The following FMN1 variants were observed in gnomAD, a reference collection of about 807,000 sequenced individuals.
FMN1 encodes the protein formin 1, also known as formin-1.
FMN1 carries 110 observed loss-of-function variants against 132.4 expected under a neutral mutation model. The observed-to-expected ratio is 0.83, with a 90% CI of 0.71 to 0.97. The LOEUF (loss-of-function observed/expected upper bound fraction) is 0.97. FMN1 is among the 50% of genes least tolerant of loss of function. FMN1 has a pLI of 0.00. For missense variants in FMN1, 1,792 were observed against 1,705.3 expected, an observed-to-expected ratio of 1.05 and a Z score of -0.90; for synonymous variants, 722 against 651.7, an observed-to-expected ratio of 1.11 and a Z score of -1.64.
At chr15:33,080,746 G>A (rs554366277) in intron 5 of FMN1, among the ~76,000 whole-genome samples, 4 of 152,186 alleles carry the variant, frequency 2.6e-5, no homozygotes, top group Non-Finnish European at 5.9e-5. Flanking sequence ...AATTAGCCGG[G>A]CATGGTGGCG....
rs1328023573 is a variant in FMN1 at position 33,036,123 on chromosome 15, CAG to C, written c.2162-28050_2162-28049del. 6.6e-5 allele frequency among the ~76,000 whole-genome samples: 10 copies of C among 152,308 alleles called. No individual in the cohort carries two copies. In the East Asian group the frequency reaches 1.9e-3, roughly 29 times the overall value. On this transcript the variant is annotated intron_variant, in intron 6 of 20. Coordinates refer to ENST00000616417, the MANE Select transcript of FMN1 (RefSeq NM_001277313.2). ...AAATCTCTTTTCTTTATGAATTACTCAGAGTCAGGTATCCTGTTATAAGCGAC... is the reference window on the plus strand; with the variant it reads ...AAATCTCTTTTCTTTATGAATTACTCAGTCAGGTATCCTGTTATAAGCGAC...
At chr15:32,857,956 A>G (rs1026944776) in intron 16 of FMN1, among the ~76,000 whole-genome samples, 7 of 152,226 alleles carry the variant, frequency 4.6e-5, no homozygotes, top group Non-Finnish European at 5.9e-5. Flanking sequence ...TCGTTTCTAC[A>G]AAGCTAGAGC....
chr15:32,917,492 T>C (rs2060711983), intron 10 of FMN1, among the ~76,000 whole-genome samples: 1 of 152,228 alleles, frequency 6.6e-6, no homozygotes, highest in East Asian at 1.9e-4. Context: ...TGGGGATTAA[T>C]ACTTAATAAC....
rs111382862 is a variant in FMN1 at position 33,057,314 on chromosome 15, T to C, written c.2161+7643A>G. Among the ~76,000 whole-genome samples the C allele has an allele frequency of 6.6e-3, 998 of 152,344 alleles. 10 individuals are homozygous for C. Among genetic ancestry groups the C allele is most frequent in the African/African-American group, 0.022 (925 of 41,574 alleles). ...GCTAAAGATGTACTATTTATTGATC[T>C]ACATAGTGGTTACCTGGGTGTGTTC... On this transcript the variant is annotated intron_variant, in intron 6 of 20. Transcript: ENST00000616417.
intron 9 of FMN1, among the ~76,000 whole-genome samples, chr15:32,957,275 T>C (rs144848849): frequency 1.6e-3 from 237 of 147,460 alleles, no homozygotes; most frequent in African/African-American, 5.2e-3. Context: ...TAAAACACAA[T>C]TGGAAAGTTT....
At chr15:33,124,197 T>G (rs2140188268) in intron 4 of FMN1, among the ~76,000 whole-genome samples, 1 of 152,296 alleles carries the variant, frequency 6.6e-6, no homozygotes, top group South Asian at 2.1e-4. Context: ...AGACGTGGCT[T>G]TTCAAAAGAA....
At chr15:33,079,233 T>C (rs943408815) in intron 5 of FMN1, among the ~76,000 whole-genome samples, 2 of 152,206 alleles carry the variant, frequency 1.3e-5, no homozygotes, top group Non-Finnish European at 2.9e-5. Context: ...TAAGAATGTG[T>C]GTTATCAAGA....
At chr15:32,783,669 G>GT (rs200833480) in intron 19 of FMN1, among the ~76,000 whole-genome samples, 1,726 of 148,282 alleles carry the variant, frequency 0.012, 34 homozygotes, top group African/African-American at 0.04. Flanking sequence ...CGTGAACCCG[G>GT]GGTCGGGGGA....
At chr15:32,968,519 C>T (rs945870724) in intron 8 of FMN1, among the ~76,000 whole-genome samples, 195 bp downstream of exon 8, 3 of 152,112 alleles carry the variant, frequency 2.0e-5, no homozygotes. Flanking sequence ...CCAGCATCTT[C>T]AGAGAATACA....
At chr15:33,071,049 C>A (rs2037978733) in intron 5 of FMN1, among the ~76,000 whole-genome samples, 1 of 152,202 alleles carries the variant, frequency 6.6e-6, no homozygotes, top group African/African-American at 2.4e-5. Flanking sequence ...GAAGACCACA[C>A]ACAGCGAGGT....
chr15:33,136,825 C>G (rs1006944207), intron 4 of FMN1, among the ~76,000 whole-genome samples: 1 of 152,084 alleles, frequency 6.6e-6, no homozygotes, highest in African/African-American at 2.4e-5. Flanking sequence ...TGGTGGCTCA[C>G]GCCTGTAATC....
rs1307750312 is a variant in FMN1 at position 32,798,682 on chromosome 15, C to A, written c.4130+122G>T. 24 of 929,616 alleles carry A rather than the reference C, an allele frequency of 2.6e-5. No individual in the cohort carries two copies. The South Asian group carries it at 4.6e-4, about 18-fold the overall frequency. 57.6% of individuals were successfully genotyped at this position (929,616 alleles called of 1,614,324 possible). A position where few individuals can be genotyped will look rare whatever the true frequency, so the allele number is the denominator to read the frequency against. On this transcript the variant is annotated intron_variant, in intron 19 of 20. Transcript: ENST00000616417. ...ATCCCTGAGGCAAAAAGTCCTTCCC[C>A]TATGACCACTTCATCCGAAAGAAAA...
intron 4 of FMN1, among the ~76,000 whole-genome samples, chr15:33,138,888 T>G (rs7180763): frequency 0.39 from 59,525 of 151,748 alleles, 12,462 homozygotes; most frequent in South Asian, 0.49. Flanking sequence ...AACCTCAAAA[T>G]CTCCTTGTAT....
At chr15:33,018,067 G>GGAAAAAAAAAAAAAAAAAAAAAAAA (rs2035169403) in intron 6 of FMN1, among the ~76,000 whole-genome samples, 1 of 142,934 alleles carries the variant, frequency 7.0e-6, no homozygotes. Flanking sequence ...TACCTCTCAA[G>GGAAAAAAAAAAAAAAAAAAAAAAAA]AAAAAAAAAA....
intron 5 of FMN1, among the ~76,000 whole-genome samples, chr15:33,070,301 G>A (rs905864288): frequency 4.0e-5 from 6 of 151,538 alleles, no homozygotes; most frequent in Admixed American, 1.3e-4. Flanking sequence ...CACCGCGCCC[G>A]GCCTAAGATC....
chr15:33,104,790 G>A (rs2039421630), intron 4 of FMN1, among the ~76,000 whole-genome samples: 2 of 152,050 alleles, frequency 1.3e-5, no homozygotes, highest in Admixed American at 1.3e-4. Context: ...AATTTGTAAA[G>A]GTATTACTTT....
At chr15:32,975,599 C>T (rs755157950) in intron 7 of FMN1, among the ~76,000 whole-genome samples, 12 of 152,042 alleles carry the variant, frequency 7.9e-5, no homozygotes, top group South Asian at 2.1e-4. Context: ...TTACTTGCTC[C>T]GCTTTTGGAC....
intron 4 of FMN1, among the ~76,000 whole-genome samples, chr15:33,136,271 A>G (rs1017754433): frequency 3.3e-5 from 5 of 152,248 alleles, no homozygotes; most frequent in Non-Finnish European, 7.3e-5. Flanking sequence ...AGATGTCATT[A>G]TCTGCTTCAG....
At chr15:32,894,647 G>C (rs1456420136) in intron 15 of FMN1, among the ~76,000 whole-genome samples, 2 of 151,962 alleles carry the variant, frequency 1.3e-5, no homozygotes, top group African/African-American at 4.8e-5. Flanking sequence ...TTCCTTCAAA[G>C]ATCAGGATGT....
Sources: allele counts gnomAD v4.1 joint callset (sites outside exome capture counted in the v4.1 genomes callset), GRCh38; gene constraint gnomAD v4.1.1; transcripts MANE v1.5; gene names NCBI Gene and HGNC (gene_info 2026-07-23, HGNC 2026-07-21).